Variants in FOCAD observed in about 807,000 individuals in gnomAD.
FOCAD encodes the protein KIAA1797.
A neutral mutation model predicts 225.6 loss-of-function variants in FOCAD; 198 were observed. That is an observed-to-expected ratio of 0.88 (90% confidence interval 0.78 to 0.99). The LOEUF is 0.99. FOCAD is among the 50% of genes least tolerant of loss of function. FOCAD has a pLI of 0.00. For synonymous variants in FOCAD, 897 were observed against 755.0 expected, an observed-to-expected ratio of 1.19 and a Z score of -3.08; for missense variants, 2,713 against 2,123.6, an observed-to-expected ratio of 1.28 and a Z score of -5.46.
At chr9:20,945,606 C>T (rs534122932) in intron 29 of FOCAD, among the ~76,000 whole-genome samples, 2 of 152,288 alleles carry the variant, frequency 1.3e-5, no homozygotes, top group East Asian at 3.9e-4. Flanking sequence ...ACTACATTTC[C>T]ATTTTTAAAG....
At chr9:20,847,833 G>T (rs1827270235) in intron 15 of FOCAD, among the ~76,000 whole-genome samples, 1 of 151,990 alleles carries the variant, frequency 6.6e-6, no homozygotes, top group Non-Finnish European at 1.5e-5. Flanking sequence ...TAAAAGAGAA[G>T]ACAATAATTT....
upstream of FOCAD, among the ~76,000 whole-genome samples, chr9:20,657,815 T>C (rs946807364): frequency 6.2e-5 from 5 of 80,220 alleles, no homozygotes; most frequent in Non-Finnish European, 9.9e-5. Flanking sequence ...GTTCCGTTGC[T>C]GGTGAGGAAC....
rs533670102 is a variant in FOCAD at position 20,837,959 on chromosome 9, A to G, written c.1920+14844A>G. Among the ~76,000 whole-genome samples the G allele has an allele frequency of 3.9e-5, 6 of 152,286 alleles. No individual in the cohort carries two copies. In the South Asian group the frequency reaches 1.0e-3, roughly 26 times the overall value. ...AACATATACTGAAATTGTTAATGAA[A>G]GAAGTTAACTTGCTTAAAGGAAATT... On this transcript the variant is annotated intron_variant, in intron 15 of 43. Coordinates refer to ENST00000338382, the MANE Select transcript of FOCAD (RefSeq NM_001375567.1).
intron 17 of FOCAD, 28 bp from the exon 18 acceptor site, chr9:20,866,888 CTTTTTTTTTTTTT>C (rs10629839): frequency 0.014 from 4,831 of 341,468 alleles, 67 homozygotes; most frequent in Admixed American, 0.09. Flanking sequence ...TGTTTGCTTG[CTTTTTTTTTTTTT>C]TTTTTTTTTT....
chr9:20,781,214 TTTG>T (rs1025244126), intron 9 of FOCAD, among the ~76,000 whole-genome samples: 1 of 152,240 alleles, frequency 6.6e-6, no homozygotes, highest in Non-Finnish European at 1.5e-5. Flanking sequence ...ACTAATTTTT[TTTG>T]TTGTTGTTAT....
chr9:20,802,250 T>C (rs950421372), intron 11 of FOCAD, among the ~76,000 whole-genome samples: 7 of 152,134 alleles, frequency 4.6e-5, no homozygotes, highest in African/African-American at 1.7e-4. Flanking sequence ...TGAAAACAAT[T>C]TGTGTGTTTT....
chr9:20,725,860 T>C (rs1826154272), intron 4 of FOCAD, among the ~76,000 whole-genome samples: 1 of 152,182 alleles, frequency 6.6e-6, no homozygotes, highest in African/African-American at 2.4e-5. Flanking sequence ...TCCTAGAGTG[T>C]TCTCTGTTCA....
chr9:20,770,988 A>G (rs1203996188), intron 8 of FOCAD, among the ~76,000 whole-genome samples: 2 of 152,214 alleles, frequency 1.3e-5, no homozygotes, highest in Admixed American at 6.5e-5. Flanking sequence ...TAACTAAATT[A>G]TAGTACAATA....
At chr9:20,948,493 G>C (rs186589231) in intron 31 of FOCAD, 100 bp downstream of exon 31, 13 of 1,297,204 alleles carry the variant, frequency 1.0e-5, no homozygotes, top group Non-Finnish European at 1.4e-5. Flanking sequence ...ATACGTTAAT[G>C]GTAAAAGAAT....
At chr9:20,759,399 A>G (rs896733123) in intron 6 of FOCAD, among the ~76,000 whole-genome samples, 5 of 152,218 alleles carry the variant, frequency 3.3e-5, no homozygotes, top group Non-Finnish European at 7.3e-5. Context: ...GCCTTCAGAA[A>G]TAACGCCGCA....
At chr9:20,959,928 C>G (rs1461027703) in intron 35 of FOCAD, among the ~76,000 whole-genome samples, 4 of 152,222 alleles carry the variant, frequency 2.6e-5, no homozygotes, top group East Asian at 3.9e-4. Context: ...GAAACAATCT[C>G]AAACATAAAA....
intron 2 of FOCAD, among the ~76,000 whole-genome samples, chr9:20,659,879 G>A (rs1391000626): frequency 2.6e-5 from 4 of 152,180 alleles, no homozygotes; most frequent in South Asian, 4.1e-4. Flanking sequence ...AGTGACCATC[G>A]GAGTGGTGCA....
chr9:20,703,641 T>C (rs1348257907), intron 1 of FOCAD, among the ~76,000 whole-genome samples: 1 of 152,068 alleles, frequency 6.6e-6, no homozygotes, highest in Non-Finnish European at 1.5e-5. Context: ...ATTTATCTTT[T>C]ATCATTAAAA....
Position 20,929,490 on chromosome 9 carries a change from G to A in FOCAD, c.3211G>A (p.Ala1071Thr). The A allele has an allele frequency of 6.2e-7, 1 of 1,614,106 alleles. No homozygotes were observed. Among genetic ancestry groups the A allele is most frequent in the South Asian group, 1.1e-5 (1 of 91,070 alleles). The change falls in exon 27 of 44, where the codon GCC becomes ACC. Residue 1071 changes from alanine to threonine, a missense_variant. Physicochemically the swap from Ala to Thr is moderately conservative, Grantham distance 58 (BLOSUM62 0). Transcript: ENST00000338382. The part of the protein sequence containing the change: ...KVEEILNMLT[A>T]RLPGKPSADE... ...TGAGGAAATCCTGAACATGCTGACT[G>A]CCAGGTTACCTGGGAAACCAAGTGC...
intron 15 of FOCAD, among the ~76,000 whole-genome samples, chr9:20,837,442 C>A (rs1826099400): frequency 6.6e-6 from 1 of 151,986 alleles, no homozygotes; most frequent in Non-Finnish European, 1.5e-5. Flanking sequence ...ATAAATGCCA[C>A]TGAGCTGGAA....
chr9:20,821,000 G>A lies in FOCAD; in HGVS notation c.1722G>A (p.Ser574=), dbSNP rs1321528655. The A allele has an allele frequency of 2.5e-5, 41 of 1,612,600 alleles. No homozygotes were observed. The highest frequency in any genetic ancestry group is 6.7e-5 in the East Asian group (3 of 44,846). Residue 574 remains serine, a synonymous_variant, in exon 14 of 44, where the codon TCG becomes TCA. Transcript: ENST00000338382. ...CTGTGTCTGATGTACCTTCTCTTTC[G>A]GTGGGCAAGGAAGTCCAATGGGAGA... The part of the protein sequence containing the change: ...FMAVSDVPSL[S]VGKEVQWEKL...
intron 15 of FOCAD, among the ~76,000 whole-genome samples, chr9:20,838,736 G>A (rs1826229472): frequency 6.6e-6 from 1 of 152,070 alleles, no homozygotes; most frequent in Admixed American, 6.6e-5. Context: ...AATCTCTAGA[G>A]ATAAAGCTTA....
intron 4 of FOCAD, among the ~76,000 whole-genome samples, chr9:20,727,407 C>A (rs1349706688): frequency 6.6e-6 from 1 of 152,198 alleles, no homozygotes; most frequent in East Asian, 1.9e-4. Flanking sequence ...ACACATGTTA[C>A]TTTTATAATG....
At chr9:20,814,028 T>G (rs1313633720) in intron 11 of FOCAD, among the ~76,000 whole-genome samples, 1 of 152,202 alleles carries the variant, frequency 6.6e-6, no homozygotes, top group African/African-American at 2.4e-5. Flanking sequence ...TTGCTGTCTT[T>G]TGGTTACCAT....
Sources: gnomAD v4.1 joint callset for allele counts (sites outside exome capture counted in the v4.1 genomes callset) on GRCh38, gnomAD v4.1.1 for gene constraint, MANE v1.5 for transcripts, NCBI Gene and HGNC (gene_info 2026-07-23, HGNC 2026-07-21) for gene names.